GATA4: variants seen among roughly 807,000 people sequenced by gnomAD.
GATA4 encodes GATA binding protein 4, also known as transcription factor GATA-4.
GATA4 carries 7 observed loss-of-function variants against 37.9 expected under a neutral mutation model. The observed-to-expected ratio is 0.18, with a 90% confidence interval of 0.11 to 0.35. The LOEUF is 0.35. GATA4 is among the 10% of genes least tolerant of loss of function. GATA4 has a pLI of 1.00. For missense variants in GATA4, 647 were observed against 653.0 expected, an observed-to-expected ratio of 0.99 and a Z score of 0.10; for synonymous variants, 372 against 292.6, an observed-to-expected ratio of 1.27 and a Z score of -2.77.
chr8:11,701,631 C>A (rs1025595409), upstream of GATA4, among the ~76,000 whole-genome samples: 1 of 152,134 alleles, frequency 6.6e-6, no homozygotes, highest in Non-Finnish European at 1.5e-5. Flanking sequence ...AAGGAAACAC[C>A]CCCAAAAAAG....
chr8:11,683,128 C>A, intron 1 of GATA4: 1 of 985,372 alleles, frequency 1.0e-6, no homozygotes, highest in Non-Finnish European at 1.2e-6. Context: ...GTGGTGGCCA[C>A]TGGGGTTTGC....
intron 2 of GATA4, among the ~76,000 whole-genome samples, chr8:11,742,958 C>A (rs1015228074): frequency 6.6e-6 from 1 of 152,252 alleles, no homozygotes; most frequent in Non-Finnish European, 1.5e-5. Flanking sequence ...TCCCTCCCCT[C>A]CTGCCCAGTC....
Position 11,758,591 on chromosome 8 carries a change from A to C in GATA4, c.*116A>C. 1 of 983,364 alleles carries C rather than the reference A, an allele frequency of 1.0e-6. No homozygotes were observed. 60.9% of individuals were successfully genotyped at this position (983,364 alleles called of 1,614,324 possible). A position where few individuals can be genotyped will look rare whatever the true frequency, so the allele number is the denominator to read the frequency against. ...CTCTGCCTGGTAATGACTCCAGAAC[A>C]ACAACTGGGAAGAAACTTGAAGTCG... On this transcript the variant is annotated 3_prime_UTR_variant, in exon 7 of 7. Transcript: ENST00000532059.
At chr8:11,720,210 T>C (rs73203490) in intron 2 of GATA4, among the ~76,000 whole-genome samples, 11,654 of 151,848 alleles carry the variant, frequency 0.077, 528 homozygotes, top group South Asian at 0.21. Flanking sequence ...GAAGGACTGC[T>C]CTACCGCCCT....
At chr8:11,722,192 A>G (rs892140922) in intron 2 of GATA4, among the ~76,000 whole-genome samples, 2 of 145,204 alleles carry the variant, frequency 1.4e-5, no homozygotes, top group Non-Finnish European at 2.9e-5. Context: ...TAATAAAAAT[A>G]GAGAGTAGAA....
At position 11,748,962 on chromosome 8, in the gene GATA4, T is replaced by C; in HGVS notation, c.663T>C (p.Cys221=). 6.2e-7 allele frequency: 1 copy of C among 1,614,198 alleles called. No homozygotes were observed. Among genetic ancestry groups the C allele is most frequent in the Non-Finnish European group, 8.5e-7 (1 of 1,180,032 alleles). Residue 221 remains cysteine (C), a synonymous_variant, in exon 3 of 7, where the codon TGT becomes TGC. Transcript: ENST00000532059. ...CAGAAGGCAGAGAGTGTGTCAACTG[T>C]GGGGCTATGTCCACCCCGCTCTGGA... ...DFSEGRECVN[C]GAMSTPLWRR...
At chr8:11,732,498 AGG>A (rs1348697819) in intron 2 of GATA4, among the ~76,000 whole-genome samples, 1 of 152,246 alleles carries the variant, frequency 6.6e-6, no homozygotes, top group African/African-American at 2.4e-5. Context: ...ACAAAACAGA[AGG>A]AGAGAGGTTG....
rs534567105 is a variant in GATA4, at chr8:11,754,301, C to T, written c.913-745C>T. On this transcript the variant is annotated intron_variant, in intron 4 of 6. Transcript: ENST00000532059. ...GCACGATCACGGCTTGCTGGAGCCT[C>T]GACTTCCTGGGTTCAAGGGATCCTC... 1.0e-3 allele frequency among the ~76,000 whole-genome samples: 158 copies of T among 152,318 alleles called. 1 individual carries two copies. Among genetic ancestry groups the T allele is most frequent in the African/African-American group, 3.7e-3 (155 of 41,578 alleles).
At chr8:11,750,364 G>T in intron 4 of GATA4, 128 bp downstream of exon 4, 2 of 1,318,692 alleles carry the variant, frequency 1.5e-6, no homozygotes, top group Non-Finnish European at 2.1e-6. Flanking sequence ...ATTTGGAAGG[G>T]GCTTTCAACT....
At chr8:11,703,501 C>T (rs1273461601), upstream of GATA4, among the ~76,000 whole-genome samples, 1 of 152,150 alleles carries the variant, frequency 6.6e-6, no homozygotes, top group Non-Finnish European at 1.5e-5. Flanking sequence ...GCAGAGCCGC[C>T]GCAGGCTGCA....
At chr8:11,733,822 G>A (rs1271520136) in intron 2 of GATA4, among the ~76,000 whole-genome samples, 1 of 152,276 alleles carries the variant, frequency 6.6e-6, no homozygotes, top group South Asian at 2.1e-4. Context: ...CCACCACCCC[G>A]ATGACACAGG....
chr8:11,714,509 A>G (rs1361408674), intron 2 of GATA4, among the ~76,000 whole-genome samples: 1 of 152,216 alleles, frequency 6.6e-6, no homozygotes, highest in African/African-American at 2.4e-5. Flanking sequence ...GATCTTCAGG[A>G]AAACCAAAGT....
At chr8:11,719,971 A>G (rs1048973601) in intron 2 of GATA4, among the ~76,000 whole-genome samples, 1 of 152,272 alleles carries the variant, frequency 6.6e-6, no homozygotes, top group African/African-American at 2.4e-5. Context: ...CGTGTGATTT[A>G]CTAGGCCTCA....
At chr8:11,737,956 G>A (rs1382759142) in intron 2 of GATA4, among the ~76,000 whole-genome samples, 3 of 152,066 alleles carry the variant, frequency 2.0e-5, no homozygotes, top group Admixed American at 6.6e-5. Flanking sequence ...CGAGCCTGGC[G>A]GATCACCTAG....
At position 11,709,136 on chromosome 8, in the gene GATA4, C is replaced by T. The variant is rs904765848; in HGVS notation, c.616+208C>T. On this transcript the variant is annotated intron_variant, in intron 2 of 6. Transcript: ENST00000532059. This position sits in a 1 kb window ranked among gnomAD's most constrained non-coding sequence, Gnocchi z 4.3. ...ACCGGCTTCTGTGGAAGGGGCCGGG[C>T]CTGCCCGCCGGGGCCTCTTCTGAGA... 3.3e-5 allele frequency among the ~76,000 whole-genome samples: 5 copies of T among 152,176 alleles called. No individual in the cohort carries two copies. Among genetic ancestry groups the T allele is most frequent in the Admixed American group, 1.3e-4 (2 of 15,286 alleles).
chr8:11,742,237 A>G (rs1047208305), intron 2 of GATA4, among the ~76,000 whole-genome samples: 33 of 152,128 alleles, frequency 2.2e-4, no homozygotes, highest in African/African-American at 7.7e-4. Context: ...TGCCTGTTAC[A>G]GCCTTCACGC....
chr8:11,698,751 C>T (rs1799581565), intron 1 of GATA4, among the ~76,000 whole-genome samples: 1 of 152,184 alleles, frequency 6.6e-6, no homozygotes, highest in African/African-American at 2.4e-5. Context: ...CTTCCCAAAT[C>T]CTGGCTGTGC....
At chr8:11,739,281 G>T (rs757115582) in intron 2 of GATA4, among the ~76,000 whole-genome samples, 1 of 152,198 alleles carries the variant, frequency 6.6e-6, no homozygotes, top group African/African-American at 2.4e-5. Flanking sequence ...TCCAATTTCC[G>T]TATGGCTTTG....
chr8:11,708,618 G>A lies in GATA4; in HGVS notation c.306G>A (p.Pro102=). ...CCGACGGAGCCGCTTACACCCCGCC[G>A]CCGGTGTCGCCGCGCTTCTCCTTCC... ...AGADGAAYTP[P]PVSPRFSFPG... Residue 102 remains proline, a synonymous_variant, in exon 2 of 7, where the codon CCG becomes CCA. Coordinates refer to ENST00000532059, the MANE Select transcript of GATA4 (RefSeq NM_001308093.3). The surrounding 1 kb of genome is among the most constrained non-coding windows in gnomAD (Gnocchi z 6.7). 7.4e-7 allele frequency: 1 copy of A among 1,342,410 alleles called. No individual in the cohort carries two copies. Among genetic ancestry groups the A allele is most frequent in the South Asian group, 2.0e-5 (1 of 49,656 alleles). 83.2% of individuals were successfully genotyped at this position (1,342,410 alleles called of 1,614,324 possible). A position where few individuals can be genotyped will look rare whatever the true frequency, so the allele number is the denominator to read the frequency against.
Sources: gnomAD v4.1 joint callset for allele counts (sites outside exome capture counted in the v4.1 genomes callset) on GRCh38, gnomAD v4.1.1 for gene constraint, Gnocchi (gnomAD v3.1) non-coding constraint, MANE v1.5 for transcripts, NCBI Gene and HGNC (gene_info 2026-07-23, HGNC 2026-07-21) for gene names.